Variants in TRIM7 observed in about 807,000 individuals in gnomAD.
The protein encoded by TRIM7 is tripartite motif containing 7, also known as E3 ubiquitin-protein ligase TRIM7.
A neutral mutation model predicts 37.9 loss-of-function variants in TRIM7; 32 were observed. That is an observed-to-expected ratio of 0.84 (90% confidence interval 0.64 to 1.13). TRIM7 has a LOEUF of 1.13. Among genes scored for constraint, TRIM7 ranks in the 50% most tolerant of loss-of-function variants. The pLI, the probability that TRIM7 is intolerant of heterozygous loss-of-function variation, is 0.00. For synonymous variants in TRIM7, 351 were observed against 321.3 expected (o/e 1.09, Z -0.99); for missense variants, 732 against 714.0 (o/e 1.03, Z -0.29).
chr5:181,196,529 A>G (rs1349517924), intron 6 of TRIM7: 1 of 152,156 alleles, frequency 6.6e-6, no homozygotes, highest in Non-Finnish European at 1.5e-5. Flanking sequence ...AACATGGCGG[A>G]AAACTTGTTT....
At chr5:181,204,459 T>A in intron 1 of TRIM7, 130 bp downstream of exon 1, 1 of 1,163,026 alleles carries the variant, frequency 8.6e-7, no homozygotes, top group South Asian at 2.7e-5. Flanking sequence ...CTTCCTGGAA[T>A]GGAGAAAGAA....
At position 181,199,086 on chromosome 5, in the gene TRIM7, G is replaced by T. The variant is rs773039975; in HGVS notation, c.872+9C>A. ...TTAGAGAGGCCCCAGGAGCTGTGAG[G>T]TCACTCACCTGCTCAGCGTGCTTTT... is the stretch of plus-strand genomic sequence containing the variant. On this transcript the variant is annotated intron_variant, in intron 4 of 6. Coordinates refer to ENST00000274773, the MANE Select transcript of TRIM7 (RefSeq NM_203293.3). 1.9e-6 allele frequency: 3 copies of T among 1,614,234 alleles called. No individual in the cohort carries two copies. The highest frequency in any genetic ancestry group is 2.2e-5 in the East Asian group (1 of 44,890).
At chr5:181,198,841 A>G (rs1186794732) in intron 4 of TRIM7, 36 bp from the exon 5 acceptor site, 1 of 1,515,592 alleles carries the variant, frequency 6.6e-7, no homozygotes, top group Non-Finnish European at 9.1e-7. Flanking sequence ...GCCTGTGTGC[A>G]CCATTTTGCT....
Position 181,195,132 on chromosome 5 carries a change from C to A in TRIM7, c.*34G>T. On this transcript the variant is annotated 3_prime_UTR_variant, in exon 7 of 7. Transcript: ENST00000274773. The stretch of plus-strand genomic sequence containing the variant: ...GGGAGGCGACATCCCCTCCCACCGG[C>A]AGCCCAGAGACAGGAGCTCCCCAGC... 6.4e-7 allele frequency: 1 copy of A among 1,555,630 alleles called. No homozygotes were observed. Among genetic ancestry groups the A allele is most frequent in the Non-Finnish European group, 8.7e-7 (1 of 1,147,912 alleles).
chr5:181,201,951 A>G (rs1757514232), intron 2 of TRIM7, among the ~76,000 whole-genome samples: 1 of 152,126 alleles, frequency 6.6e-6, no homozygotes, highest in Admixed American at 6.5e-5. Context: ...ATGAAGGTCT[A>G]GAGGGTGAGC....
intron 2 of TRIM7, among the ~76,000 whole-genome samples, chr5:181,201,822 G>A (rs1433030682): frequency 6.6e-6 from 1 of 152,198 alleles, no homozygotes; most frequent in Non-Finnish European, 1.5e-5. Flanking sequence ...AGCAAGGCCT[G>A]GGGACTCCGG....
Position 181,200,082 on chromosome 5 carries a change from C to T in TRIM7, c.619-1G>A. 6.2e-7 allele frequency: 1 copy of T among 1,614,296 alleles called. No individual in the cohort carries two copies. The highest frequency in any genetic ancestry group is 8.5e-7 in the Non-Finnish European group (1 of 1,180,058). On this transcript the variant is annotated splice_acceptor_variant, in intron 2 of 6. Transcript: ENST00000274773. LOFTEE classifies it high-confidence loss of function. The stretch of plus-strand genomic sequence containing the variant: ...TCTCCTGCTCCGCTGCCATCTGTTT[C>T]TGTCCCAGGAGGAGAAGTTGGAGAG...
Position 181,205,081 on chromosome 5 carries a change from G to A in TRIM7, c.30C>T (p.Pro10=). 1 of 1,360,310 alleles carries A rather than the reference G, an allele frequency of 7.4e-7. No homozygotes were observed. The highest frequency in any genetic ancestry group is 3.7e-5 in the Admixed American group (1 of 26,916). The allele number at this position is 1,360,310 out of a possible 1,614,324, so 84.3% of individuals were successfully genotyped here. A position where few individuals can be genotyped will look rare whatever the true frequency, so the allele number is the denominator to read the frequency against. MAAVGPRTG[P]GTGAEALALA... The stretch of plus-strand genomic sequence containing the variant: ...GCGCTAGAGCCTCGGCGCCGGTTCC[G>A]GGGCCGGTCCGCGGTCCCACAGCCG... Residue 10 remains proline (P), a synonymous_variant, in exon 1 of 7, where the codon CCC becomes CCT. Coordinates refer to ENST00000274773, the MANE Select transcript of TRIM7 (RefSeq NM_203293.3).
intron 6 of TRIM7, 64 bp downstream of exon 6, chr5:181,198,119 G>C (rs1582226526): frequency 1.3e-6 from 2 of 1,587,152 alleles, no homozygotes; most frequent in Non-Finnish European, 1.7e-6. Context: ...AGATGGTCAC[G>C]AGCAGGGAGT....
Position 181,200,172 on chromosome 5 carries a change from G to A in TRIM7, c.619-91C>T, listed in dbSNP as rs767964081. 127 of 1,606,616 alleles carry A rather than the reference G, an allele frequency of 7.9e-5. No individual in the cohort carries two copies. The East Asian group carries it at 1.2e-3, about 15-fold the overall frequency. On this transcript the variant is annotated intron_variant, in intron 2 of 6. Coordinates refer to ENST00000274773, the MANE Select transcript of TRIM7 (RefSeq NM_203293.3). ...GAGTCATCCCACAGGGCAAGGCTTC[G>A]TCCCTGTCACTGCTGGAGGATCGGA...
chr5:181,202,022 A>G (rs1433672139), intron 2 of TRIM7, among the ~76,000 whole-genome samples: 1 of 152,166 alleles, frequency 6.6e-6, no homozygotes, highest in East Asian at 1.9e-4. Flanking sequence ...CACTGGGTGC[A>G]GGCATAACAG....
intron 6 of TRIM7, 49 bp from the exon 7 acceptor site, chr5:181,195,726 C>T (rs758104191): frequency 4.0e-6 from 6 of 1,506,554 alleles, no homozygotes; most frequent in Admixed American, 4.6e-5. Flanking sequence ...AGGCCCCTGG[C>T]ACAGTCTTTG....
At position 181,205,035 on chromosome 5, in the gene TRIM7, C is replaced by A. The variant is rs1303001056; in HGVS notation, c.76G>T (p.Glu26Ter). 4 of 1,435,510 alleles carry A rather than the reference C, an allele frequency of 2.8e-6. No homozygotes were observed. The highest frequency in any genetic ancestry group is 5.9e-5 in the Admixed American group (2 of 33,722). 88.9% of individuals were successfully genotyped at this position (1,435,510 alleles called of 1,614,324 possible). A position where few individuals can be genotyped will look rare whatever the true frequency, so the allele number is the denominator to read the frequency against. ...TCTAGGCAGATGGAGCACGTCGCCT[C>A]GCCCTGCAGCTCTGCCGCCAGCGCT... ...ALALAAELQG[E>*]ATCSICLELF... Residue 26 changes from glutamate to a stop codon, truncating the protein, a stop_gained, in exon 1 of 7, where the codon GAG becomes TAG. Coordinates refer to ENST00000274773, the MANE Select transcript of TRIM7 (RefSeq NM_203293.3). LOFTEE classifies it high-confidence loss of function.
chr5:181,199,834 G>C lies in TRIM7; in HGVS notation c.849+17C>G, dbSNP rs373948376. ...CTTAGGATAAATGACTCGAGCCCCT[G>C]GCTGAGCCAGACTTACCTGGAGAAA... is the stretch of plus-strand genomic sequence containing the variant. On this transcript the variant is annotated intron_variant, in intron 3 of 6. Coordinates refer to ENST00000274773, the MANE Select transcript of TRIM7 (RefSeq NM_203293.3). 1.1e-5 allele frequency: 18 copies of C among 1,607,844 alleles called. No homozygotes were observed. Among genetic ancestry groups the C allele is most frequent in the African/African-American group, 1.3e-5 (1 of 74,754 alleles).
At position 181,205,177 on chromosome 5, in the gene TRIM7, C is replaced by G; in HGVS notation, c.-67G>C. 2 of 1,266,776 alleles carry G rather than the reference C, an allele frequency of 1.6e-6. No homozygotes were observed. Among genetic ancestry groups the G allele is most frequent in the African/African-American group, 1.5e-5 (1 of 64,546 alleles). The allele number at this position is 1,266,776 out of a possible 1,614,324, so 78.5% of individuals were successfully genotyped here. ...CCACTGGACCTCACAGGACGCGGAG[C>G]TGGGCGCCGAGGGCCCACTGGGAGA... On this transcript the variant is annotated 5_prime_UTR_variant, in exon 1 of 7. Transcript: ENST00000274773.
chr5:181,203,992 TC>T, intron 1 of TRIM7: 1 of 1,061,448 alleles, frequency 9.4e-7, no homozygotes, highest in Non-Finnish European at 1.1e-6. Flanking sequence ...CGCCCGAGCC[TC>T]CCCGCCCCGC....
chr5:181,195,388 G>T lies in TRIM7; in HGVS notation c.1314C>A (p.Asn438Lys). 1 of 1,585,412 alleles carries T rather than the reference G, an allele frequency of 6.3e-7. No individual in the cohort carries two copies. ...PEEGVWALQL[N>K]GGQYWAVTSP... ...TGGTCACGGCCCAGTACTGGCCGCCGTTGAGCTGCAGGGCCCAGACGCCCT... is the reference window on the plus strand; with the variant it reads ...TGGTCACGGCCCAGTACTGGCCGCCTTTGAGCTGCAGGGCCCAGACGCCCT... The change falls in exon 7 of 7, where the codon AAC becomes AAA. Residue 438 changes from asparagine (N) to lysine (K), a missense_variant. By Grantham distance (94) the Asn-to-Lys change is moderately conservative (BLOSUM62 0). Transcript: ENST00000274773.
intron 6 of TRIM7, chr5:181,196,060 C>A: frequency 5.0e-6 from 1 of 200,056 alleles, no homozygotes; most frequent in Non-Finnish European, 1.0e-5. Flanking sequence ...GTATTTATGG[C>A]AATGATATGT....
chr5:181,200,967 C>G, intron 2 of TRIM7: 1 of 976,786 alleles, frequency 1.0e-6, no homozygotes, highest in Non-Finnish European at 1.2e-6. Flanking sequence ...ACTCCCTCAA[C>G]CCTGACGGCA....
Sources: allele counts gnomAD v4.1 joint callset (sites outside exome capture counted in the v4.1 genomes callset), GRCh38; gene constraint gnomAD v4.1.1; transcripts MANE v1.5; gene names NCBI Gene and HGNC (gene_info 2026-07-23, HGNC 2026-07-21).